UNC5C: variants seen among roughly 807,000 people sequenced by gnomAD.
UNC5C encodes the protein netrin receptor UNC5C.
Under a neutral mutation model 99.8 loss-of-function variants are expected in UNC5C, and 47 were observed. The ratio of observed to expected loss-of-function variants is 0.47; its 90% CI spans 0.37 to 0.60. The LOEUF is 0.60. UNC5C is among the 20% of genes least tolerant of loss of function. The pLI is 0.00. For missense variants in UNC5C, 1,062 were observed against 1,165.9 expected (o/e 0.91, Z 1.30); for synonymous variants, 487 against 452.2 (o/e 1.08, Z -0.98).
chr4:95,402,172 T>A (rs1745720427), intron 1 of UNC5C, among the ~76,000 whole-genome samples: 1 of 152,260 alleles, frequency 6.6e-6, no homozygotes, highest in Non-Finnish European at 1.5e-5. Flanking sequence ...TTGTAATTTT[T>A]TTCAGAATGC....
At chr4:95,230,520 G>A (rs1738873665) in intron 7 of UNC5C, among the ~76,000 whole-genome samples, 1 of 152,008 alleles carries the variant, frequency 6.6e-6, no homozygotes, top group Non-Finnish European at 1.5e-5. Flanking sequence ...CTTTGCCCAT[G>A]CCTATGTCCT....
rs745400066 is a variant in UNC5C at position 95,219,027 on chromosome 4, G to A, written c.1587C>T (p.Ser529=). ...AGTTGAAGCTGCCAAATGCGGTACA[G>A]GATGGATCAGTCTGCCTTGCTAGAC... ...NQSLARQTDP[S]CTAFGSFNSL... Residue 529 remains serine (S), a synonymous_variant, in exon 9 of 16, where the codon TCC becomes TCT. Transcript: ENST00000453304. The A allele has an allele frequency of 6.2e-7, 1 of 1,614,174 alleles. No homozygotes were observed. Among genetic ancestry groups the A allele is most frequent in the African/African-American group, 1.3e-5 (1 of 75,036 alleles).
chr4:95,290,195 A>G (rs1741392406), intron 3 of UNC5C, among the ~76,000 whole-genome samples: 2 of 152,042 alleles, frequency 1.3e-5, no homozygotes, highest in African/African-American at 4.8e-5. Context: ...AGTCCCAGAT[A>G]CTAGGGAGGC....
intron 5 of UNC5C, among the ~76,000 whole-genome samples, chr4:95,248,971 T>G (rs2149381292): frequency 6.6e-6 from 1 of 152,294 alleles, no homozygotes; most frequent in South Asian, 2.1e-4. Context: ...CAAGCTTCAT[T>G]CATAGTAAGT....
chr4:95,482,857 T>G (rs1261190307), intron 1 of UNC5C, among the ~76,000 whole-genome samples: 6 of 108,728 alleles, frequency 5.5e-5, no homozygotes, highest in South Asian at 3.1e-4. Flanking sequence ...GGGGGACTGT[T>G]GTGGGGTGGG....
At chr4:95,372,833 C>G (rs919464920) in intron 1 of UNC5C, among the ~76,000 whole-genome samples, 16 of 152,046 alleles carry the variant, frequency 1.1e-4, no homozygotes, top group Non-Finnish European at 5.9e-5. Flanking sequence ...AGAGGATGCA[C>G]AAATATAACA....
intron 3 of UNC5C, among the ~76,000 whole-genome samples, chr4:95,286,130 A>C (rs1197318866): frequency 6.6e-6 from 1 of 152,150 alleles, no homozygotes; most frequent in Non-Finnish European, 1.5e-5. Flanking sequence ...CCCCCACTCT[A>C]CTTTTTCCCC....
At chr4:95,496,070 T>C (rs1037357951) in intron 1 of UNC5C, among the ~76,000 whole-genome samples, 1 of 151,770 alleles carries the variant, frequency 6.6e-6, no homozygotes, top group Non-Finnish European at 1.5e-5. Context: ...TGTCTACAAC[T>C]AACTGAAACA....
At chr4:95,224,864 T>A (rs933746264) in intron 7 of UNC5C, among the ~76,000 whole-genome samples, 1 of 151,066 alleles carries the variant, frequency 6.6e-6, no homozygotes, top group Non-Finnish European at 1.5e-5. Flanking sequence ...TTTTTTTTTT[T>A]AATTGAGATG....
intron 1 of UNC5C, among the ~76,000 whole-genome samples, chr4:95,348,105 A>G (rs192943339): frequency 6.6e-6 from 1 of 152,246 alleles, no homozygotes; most frequent in East Asian, 1.9e-4. Flanking sequence ...AAGATTTGAA[A>G]AGACATTTTT....
intron 2 of UNC5C, among the ~76,000 whole-genome samples, chr4:95,330,228 T>G (rs1174234777): frequency 6.6e-6 from 1 of 152,110 alleles, no homozygotes; most frequent in Non-Finnish European, 1.5e-5. Context: ...GCATTATATT[T>G]ATAATGAGTT....
chr4:95,506,687 C>T (rs1268210958), intron 1 of UNC5C, among the ~76,000 whole-genome samples: 1 of 151,730 alleles, frequency 6.6e-6, no homozygotes, highest in Non-Finnish European at 1.5e-5. Flanking sequence ...TCAGTAACAA[C>T]CTTAGCAATC....
intron 1 of UNC5C, among the ~76,000 whole-genome samples, chr4:95,502,174 T>C (rs1305210826): frequency 6.6e-6 from 1 of 152,212 alleles, no homozygotes; most frequent in Non-Finnish European, 1.5e-5. Context: ...ACTTCCAGTG[T>C]GATTGGTTGC....
At chr4:95,229,141 A>G (rs1342885296) in intron 7 of UNC5C, among the ~76,000 whole-genome samples, 1 of 152,082 alleles carries the variant, frequency 6.6e-6, no homozygotes, top group Admixed American at 6.5e-5. Flanking sequence ...CATTTTTTTT[A>G]ATTATACTTC....
chr4:95,204,619 G>A (rs899962134), intron 11 of UNC5C, among the ~76,000 whole-genome samples: 1 of 152,222 alleles, frequency 6.6e-6, no homozygotes, highest in Non-Finnish European at 1.5e-5. Flanking sequence ...ATCTCAGGCA[G>A]GAGAAATCCA....
chr4:95,201,762 C>T (rs745529568), intron 12 of UNC5C, among the ~76,000 whole-genome samples: 1 of 152,044 alleles, frequency 6.6e-6, no homozygotes, highest in South Asian at 2.1e-4. Flanking sequence ...TGCCATCATG[C>T]CCGGCTAATT....
chr4:95,218,297 C>T (rs144382333), intron 9 of UNC5C, among the ~76,000 whole-genome samples: 4 of 152,304 alleles, frequency 2.6e-5, no homozygotes, highest in African/African-American at 9.6e-5. Flanking sequence ...CCAACAGTAT[C>T]AGGCATTAAC....
chr4:95,473,972 T>C (rs999191203), intron 1 of UNC5C, among the ~76,000 whole-genome samples: 1 of 152,130 alleles, frequency 6.6e-6, no homozygotes, highest in Non-Finnish European at 1.5e-5. Flanking sequence ...TCACAAAACA[T>C]GTTTTTCTTC....
intron 1 of UNC5C, among the ~76,000 whole-genome samples, chr4:95,358,430 G>T (rs1035890366): frequency 6.6e-6 from 1 of 152,140 alleles, no homozygotes; most frequent in Admixed American, 6.6e-5. Flanking sequence ...TATTTTGAAG[G>T]ATAATATACC....
Sources: allele counts gnomAD v4.1 joint callset (sites outside exome capture counted in the v4.1 genomes callset), GRCh38; gene constraint gnomAD v4.1.1; transcripts MANE v1.5; gene names NCBI Gene and HGNC (gene_info 2026-07-23, HGNC 2026-07-21).